The following SYT1 variants were observed in gnomAD, a reference collection of about 807,000 sequenced individuals.
SYT1 encodes the protein synaptotagmin 1, also known as synaptotagmin-1.
Under a neutral mutation model 44.8 loss-of-function variants are expected in SYT1, and 8 were observed. That is an observed-to-expected ratio of 0.18 (90% CI 0.10 to 0.32). The LOEUF is 0.32. SYT1 is among the 10% of genes least tolerant of loss of function. The pLI, the probability that SYT1 is intolerant of heterozygous loss-of-function variation, is 1.00. For synonymous variants in SYT1, 154 were observed against 188.8 expected (o/e 0.82, Z 1.51); for missense variants, 286 against 509.3 (o/e 0.56, Z 4.22).
chr12:79,136,030 G>C (rs1869168564), intron 3 of SYT1, among the ~76,000 whole-genome samples: 1 of 152,160 alleles, frequency 6.6e-6, no homozygotes, highest in African/African-American at 2.4e-5. Context: ...AAAATTTCTT[G>C]AATGCCTGAA....
chr12:79,102,038 T>A (rs1050821766), intron 3 of SYT1, among the ~76,000 whole-genome samples: 1 of 152,202 alleles, frequency 6.6e-6, no homozygotes, highest in Non-Finnish European at 1.5e-5. Context: ...AGGGTTGTAC[T>A]CCTAAAGATG....
At chr12:79,181,769 C>G (rs1125110) in intron 3 of SYT1, among the ~76,000 whole-genome samples, 1 of 151,792 alleles carries the variant, frequency 6.6e-6, no homozygotes, top group Non-Finnish European at 1.5e-5. Flanking sequence ...TGCCCCTAAT[C>G]CCTTCTCTTT....
chr12:79,293,406 A>AAAATAAAATAAAATAAAATAAAATT (rs1491364410), intron 6 of SYT1, among the ~76,000 whole-genome samples: 6 of 63,724 alleles, frequency 9.4e-5, no homozygotes, highest in Non-Finnish European at 3.5e-5. Flanking sequence ...AAAATAAAAT[A>AAAATAAAATAAAATAAAATAAAATT]AAATTAAAAA....
At chr12:79,348,999 GA>G (rs770847105) in intron 8 of SYT1, among the ~76,000 whole-genome samples, 1,290 of 12,288 alleles carry the variant, frequency 0.1, 16 homozygotes, top group Non-Finnish European at 0.14. Flanking sequence ...AAGAGAGAAG[GA>G]AAGAAAGAAA....
chr12:78,867,458 A>G lies in SYT1; in HGVS notation c.-217+2349A>G, dbSNP rs565642968. Among the ~76,000 whole-genome samples the G allele has an allele frequency of 5.3e-5, 8 of 152,174 alleles. No individual in the cohort carries two copies. The South Asian group carries it at 1.0e-3, about 20-fold the overall frequency. On this transcript the variant is annotated intron_variant, in intron 1 of 10. Transcript: ENST00000261205. ...CCAATATATAGTGAGTGGATTGGGG[A>G]GAGACCTTACATGATATATTATAGG...
intron 4 of SYT1, among the ~76,000 whole-genome samples, chr12:79,258,935 T>C (rs986669689): frequency 1.3e-5 from 2 of 152,154 alleles, no homozygotes; most frequent in African/African-American, 4.8e-5. Flanking sequence ...GGATGACAAC[T>C]CTAAATGTTT....
intron 1 of SYT1, among the ~76,000 whole-genome samples, chr12:78,921,297 T>C (rs938833073): frequency 1.3e-5 from 2 of 151,998 alleles, no homozygotes; most frequent in Non-Finnish European, 2.9e-5. Context: ...AGGTTATCTA[T>C]TGCTTCATCT....
chr12:78,913,428 A>G (rs932723881), intron 1 of SYT1, among the ~76,000 whole-genome samples: 2 of 151,572 alleles, frequency 1.3e-5, no homozygotes, highest in Non-Finnish European at 3.0e-5. Context: ...TAAATACTTT[A>G]TTATAGTTAA....
chr12:78,906,686 G>A (rs547267689), intron 1 of SYT1, among the ~76,000 whole-genome samples: 2 of 152,182 alleles, frequency 1.3e-5, no homozygotes, highest in African/African-American at 2.4e-5. Context: ...GATGCAGGTC[G>A]TGGACAGACT....
intron 8 of SYT1, among the ~76,000 whole-genome samples, chr12:79,319,404 C>T (rs7300937): frequency 0.011 from 1,601 of 152,176 alleles, 30 homozygotes; most frequent in African/African-American, 0.036. Flanking sequence ...TGGAATTCCA[C>T]GTGGCCAAGT....
intron 8 of SYT1, among the ~76,000 whole-genome samples, chr12:79,332,217 G>A (rs1374310817): frequency 1.3e-5 from 2 of 152,088 alleles, no homozygotes; most frequent in Non-Finnish European, 1.5e-5. Context: ...GAAAAGGATG[G>A]CTTTCATTCA....
intron 3 of SYT1, among the ~76,000 whole-genome samples, chr12:79,134,443 C>T (rs1324913452): frequency 1.3e-5 from 2 of 152,086 alleles, no homozygotes; most frequent in Non-Finnish European, 2.9e-5. Context: ...AAATGTCAGG[C>T]TAACAATGAA....
chr12:78,931,183 G>A (rs867150129), intron 1 of SYT1, among the ~76,000 whole-genome samples: 170 of 16,624 alleles, frequency 0.01, 3 homozygotes, highest in African/African-American at 0.047. Flanking sequence ...GAAAGAAAAA[G>A]AAAGAAAGAA....
intron 3 of SYT1, among the ~76,000 whole-genome samples, chr12:79,179,781 T>A (rs578211970): frequency 6.6e-6 from 1 of 152,132 alleles, no homozygotes; most frequent in African/African-American, 2.4e-5. Context: ...AAGTTTCAGA[T>A]TTTTAATTAT....
At position 79,167,804 on chromosome 12, in the gene SYT1, T is replaced by C. The variant is rs139803275; in HGVS notation, c.-17-49699T>C. On this transcript the variant is annotated intron_variant, in intron 3 of 10. Transcript: ENST00000261205. ...CAGGGGCTTGTTTCATGGAAGACAA[T>C]TTTTCCCTGGGGGATGCAGCGGGCT... 1.8e-4 allele frequency among the ~76,000 whole-genome samples: 27 copies of C among 152,114 alleles called. No individual in the cohort carries two copies. The East Asian group carries it at 5.2e-3, about 30-fold the overall frequency.
At chr12:79,181,573 A>G (rs770954764) in intron 3 of SYT1, among the ~76,000 whole-genome samples, 1 of 151,910 alleles carries the variant, frequency 6.6e-6, no homozygotes, top group Non-Finnish European at 1.5e-5. Flanking sequence ...GATGTCTAAT[A>G]TATTTAAATA....
intron 3 of SYT1, among the ~76,000 whole-genome samples, chr12:79,133,450 A>T (rs1232818473): frequency 1.3e-5 from 2 of 152,174 alleles, no homozygotes; most frequent in Admixed American, 1.3e-4. Flanking sequence ...AAGGTAATGG[A>T]TATCCTAAAT....
At chr12:79,017,988 A>C (rs906199011) in intron 2 of SYT1, among the ~76,000 whole-genome samples, 34 of 151,966 alleles carry the variant, frequency 2.2e-4, no homozygotes, top group African/African-American at 8.0e-4. Flanking sequence ...GGCAATGGAT[A>C]ATGAGGACAA....
chr12:79,167,816 G>T (rs936049362), intron 3 of SYT1, among the ~76,000 whole-genome samples: 1 of 152,018 alleles, frequency 6.6e-6, no homozygotes, highest in Admixed American at 6.6e-5. Context: ...TTTCCCTGGG[G>T]GATGCAGCGG....
Sources: allele counts gnomAD v4.1 joint callset (sites outside exome capture counted in the v4.1 genomes callset), GRCh38; gene constraint gnomAD v4.1.1; transcripts MANE v1.5; gene names NCBI Gene and HGNC (gene_info 2026-07-23, HGNC 2026-07-21).